Variants in OTOG observed in about 807,000 individuals in gnomAD.
The protein encoded by OTOG is otogelin.
In OTOG, 296 loss-of-function variants were observed where a neutral mutation model predicts 313.8. The observed-to-expected ratio is 0.94, with a 90% CI of 0.86 to 1.04. OTOG has a LOEUF of 1.04. Ranked by LOEUF, OTOG falls within the 50% of genes least tolerant of loss-of-function variation. OTOG has a pLI of 0.00. For missense variants in OTOG, 3,948 were observed against 3,840.1 expected, an observed-to-expected ratio of 1.03 and a Z score of -0.74; for synonymous variants, 1,533 against 1,554.9, an observed-to-expected ratio of 0.99 and a Z score of 0.33.
At chr11:17,628,031 T>C (rs1854027500) in intron 39 of OTOG, among the ~76,000 whole-genome samples, 1 of 152,094 alleles carries the variant, frequency 6.6e-6, no homozygotes, top group African/African-American at 2.4e-5. Context: ...TTAGTTTCAT[T>C]GATCTTTTGT....
chr11:17,607,402 G>A (rs1853416435), intron 33 of OTOG, among the ~76,000 whole-genome samples: 1 of 152,196 alleles, frequency 6.6e-6, no homozygotes, highest in Non-Finnish European at 1.5e-5. Flanking sequence ...GCCCCCCATA[G>A]GCTGCAGACT....
At chr11:17,641,211 G>A (rs560648200) in intron 51 of OTOG, 120 bp downstream of exon 51, 3 of 1,143,886 alleles carry the variant, frequency 2.6e-6, no homozygotes, top group African/African-American at 1.6e-5. Flanking sequence ...CAAGTCAGAG[G>A]GGCCCTCAGA....
chr11:17,586,036 G>T (rs1414169351), intron 23 of OTOG, among the ~76,000 whole-genome samples: 1 of 152,190 alleles, frequency 6.6e-6, no homozygotes, highest in East Asian at 1.9e-4. Context: ...GCCTGGGAGT[G>T]CTCAGATTTC....
chr11:17,569,860 GT>G (rs905924245), intron 16 of OTOG, among the ~76,000 whole-genome samples: 1 of 152,192 alleles, frequency 6.6e-6, no homozygotes, highest in African/African-American at 2.4e-5. Flanking sequence ...ATAAAACTGT[GT>G]TGTGGCCACT....
rs1442267900 is a variant in OTOG at position 17,558,626 on chromosome 11, G to C, written c.1085G>C (p.Cys362Ser). The C allele has an allele frequency of 6.5e-7, 1 of 1,550,192 alleles. No homozygotes were observed. Among genetic ancestry groups the C allele is most frequent in the Non-Finnish European group, 8.7e-7 (1 of 1,147,008 alleles). Residue 362 changes from cysteine to serine, a missense_variant, in exon 10 of 56, where the codon TGT becomes TCT. Transcript: ENST00000399397. The stretch of plus-strand genomic sequence containing the variant: ...AGCCCTCTGCCCTTCACAGCCAGTT[G>C]TACCAGTGATCTCTGCCAGTGAGTA... ...YVSPLPFTAS[C>S]TSDLCQSMGD...
chr11:17,626,049 GAA>G (rs916238486), intron 39 of OTOG, among the ~76,000 whole-genome samples: 4 of 152,174 alleles, frequency 2.6e-5, no homozygotes, highest in Non-Finnish European at 5.9e-5. Flanking sequence ...ACCACTTATT[GAA>G]AAGACTGTCT....
At chr11:17,583,823 C>T (rs1852730863) in intron 23 of OTOG, among the ~76,000 whole-genome samples, 1 of 151,968 alleles carries the variant, frequency 6.6e-6, no homozygotes, top group South Asian at 2.1e-4. Context: ...AATTTAGGAT[C>T]AGCTTATCAA....
Position 17,571,992 on chromosome 11 carries a change from G to A in OTOG, c.1956-88G>A, listed in dbSNP as rs912658277. 14 of 1,507,408 alleles carry A rather than the reference G, an allele frequency of 9.3e-6. No individual in the cohort carries two copies. The South Asian group carries it at 1.4e-4, about 15-fold the overall frequency. 93.4% of individuals were successfully genotyped at this position (1,507,408 alleles called of 1,614,324 possible). ...ATTATGACTATGTGTGTGTATATGA[G>A]CAAGTAGGTGTTACCTGGATCTATG... On this transcript the variant is annotated intron_variant, in intron 17 of 55. Transcript: ENST00000399397.
intron 28 of OTOG, among the ~76,000 whole-genome samples, chr11:17,595,724 T>G (rs577184822): frequency 6.6e-6 from 1 of 152,330 alleles, no homozygotes; most frequent in South Asian, 2.1e-4. Flanking sequence ...TCCATCCATG[T>G]GGGGTCCCCC....
At chr11:17,578,110 A>T (rs961873697) in intron 22 of OTOG, among the ~76,000 whole-genome samples, 10 of 152,140 alleles carry the variant, frequency 6.6e-5, no homozygotes, top group Non-Finnish European at 1.5e-4. Context: ...ATGATGATGC[A>T]GGGGAAGCAC....
intron 17 of OTOG, among the ~76,000 whole-genome samples, chr11:17,570,861 A>G (rs1852389271): frequency 6.6e-6 from 1 of 152,028 alleles, no homozygotes; most frequent in Non-Finnish European, 1.5e-5. Context: ...TAACATTCCC[A>G]CTTTCTAACC....
At chr11:17,637,208 C>T (rs956924398) in intron 47 of OTOG, among the ~76,000 whole-genome samples, 12 of 152,150 alleles carry the variant, frequency 7.9e-5, no homozygotes, top group African/African-American at 2.9e-4. Flanking sequence ...TTACCAAAAT[C>T]AGCTCATCCT....
chr11:17,585,233 T>C (rs1161794290), intron 23 of OTOG, among the ~76,000 whole-genome samples: 2 of 152,254 alleles, frequency 1.3e-5, no homozygotes, highest in Non-Finnish European at 2.9e-5. Flanking sequence ...TAAATATTTA[T>C]AGTTTGTGTC....
chr11:17,587,627 G>A (rs1852829295), intron 24 of OTOG, among the ~76,000 whole-genome samples: 1 of 152,158 alleles, frequency 6.6e-6, no homozygotes, highest in African/African-American at 2.4e-5. Context: ...TTCTTTCTGT[G>A]TTAGAAGCAG....
Position 17,609,319 on chromosome 11 carries a change from A to C in OTOG, c.4354+110A>C, listed in dbSNP as rs1012812729. The C allele has an allele frequency of 8.0e-6, 8 of 997,676 alleles. No individual in the cohort carries two copies. In the African/African-American group the frequency reaches 9.7e-5, roughly 12 times the overall value. The allele number at this position is 997,676 out of a possible 1,614,324, so 61.8% of individuals were successfully genotyped here. A position where few individuals can be genotyped will look rare whatever the true frequency, so the allele number is the denominator to read the frequency against. On this transcript the variant is annotated intron_variant, in intron 35 of 55. Coordinates refer to ENST00000399397, the MANE Select transcript of OTOG (RefSeq NM_001292063.2). Reference sequence around the variant, plus strand: ...CAGGTCCCAGAGAAGCAAGATCAGCACAGGGACCTTTGGAAAGAGGCACAG... The same window carrying C: ...CAGGTCCCAGAGAAGCAAGATCAGCCCAGGGACCTTTGGAAAGAGGCACAG...
chr11:17,566,065 G>A (rs1435204636), intron 15 of OTOG, among the ~76,000 whole-genome samples: 1 of 152,254 alleles, frequency 6.6e-6, no homozygotes, highest in East Asian at 1.9e-4. Flanking sequence ...AGCTGACAGA[G>A]AAAGGAAATA....
chr11:17,625,238 T>C (rs1853955724), intron 39 of OTOG, among the ~76,000 whole-genome samples: 1 of 152,214 alleles, frequency 6.6e-6, no homozygotes, highest in South Asian at 2.1e-4. Context: ...TTGTGCCAGT[T>C]TTCAAGTGGA....
In OTOG at chr11:17,632,092, C is replaced by G; in HGVS notation, c.6938C>G (p.Pro2313Arg). 1 of 1,550,912 alleles carries G rather than the reference C, an allele frequency of 6.4e-7. No homozygotes were observed. The highest frequency in any genetic ancestry group is 8.7e-7 in the Non-Finnish European group (1 of 1,146,976). Residue 2313 changes from proline (P) to arginine (R), a missense_variant, in exon 42 of 56, where the codon CCT becomes CGT. Pro to Arg is a moderately radical substitution (Grantham distance 103). Transcript: ENST00000399397. ...RTFSACHRFV[P>R]PESFCELWIR... ...CTGCCTGATGCATATGTCCAGGTGC[C>G]TCCGGAGTCATTCTGTGAGCTGTGG...
chr11:17,599,713 C>T lies in OTOG; in HGVS notation c.3709+16C>T. 2.6e-6 allele frequency: 4 copies of T among 1,550,352 alleles called. No homozygotes were observed. The highest frequency in any genetic ancestry group is 3.5e-6 in the Non-Finnish European group (4 of 1,146,762). On this transcript the variant is annotated intron_variant, in intron 31 of 55. Coordinates refer to ENST00000399397, the MANE Select transcript of OTOG (RefSeq NM_001292063.2). The stretch of plus-strand genomic sequence containing the variant: ...TTTAACAAAGGTAAGCCCCTCCTCC[C>T]CACGCAGAGTCTCAGGGGCTCAGGC...
Sources: gnomAD v4.1 joint callset for allele counts (sites outside exome capture counted in the v4.1 genomes callset) on GRCh38, gnomAD v4.1.1 for gene constraint, MANE v1.5 for transcripts, NCBI Gene and HGNC (gene_info 2026-07-23, HGNC 2026-07-21) for gene names.